PREX1: variants seen among roughly 807,000 people sequenced by gnomAD.
The protein encoded by PREX1 is phosphatidylinositol-3,4,5-trisphosphate dependent Rac exchange factor 1.
A neutral mutation model predicts 198.3 loss-of-function variants in PREX1; 41 were observed. That is an observed-to-expected ratio of 0.21 (90% CI 0.16 to 0.27). The LOEUF (loss-of-function observed/expected upper bound fraction) is 0.27, where lower values mean the gene tolerates loss of function less well. Among genes scored for constraint, PREX1 ranks in the 10% least tolerant of loss-of-function variants. The pLI, the probability that PREX1 is intolerant of heterozygous loss-of-function variation, is 1.00. For synonymous variants in PREX1, 843 were observed against 887.2 expected, an observed-to-expected ratio of 0.95 and a Z score of 0.89; for missense variants, 1,620 against 2,200.7, an observed-to-expected ratio of 0.74 and a Z score of 5.28.
At chr20:48,734,184 C>T (rs1183230424) in intron 4 of PREX1, among the ~76,000 whole-genome samples, 5 of 152,112 alleles carry the variant, frequency 3.3e-5, no homozygotes, top group Non-Finnish European at 7.3e-5. Context: ...TTAATAGAAC[C>T]CTTACTTTAG....
intron 6 of PREX1, among the ~76,000 whole-genome samples, chr20:48,707,120 C>T (rs559569143): frequency 6.6e-6 from 1 of 152,336 alleles, no homozygotes; most frequent in South Asian, 2.1e-4. Flanking sequence ...GGCGCCCGGG[C>T]CCTCTTCTAA....
At chr20:48,794,537 GC>G (rs1372660221) in intron 1 of PREX1, among the ~76,000 whole-genome samples, 2 of 152,226 alleles carry the variant, frequency 1.3e-5, no homozygotes, top group Non-Finnish European at 2.9e-5. Context: ...CTGCCCAGGA[GC>G]CCCCATCAGT....
At chr20:48,760,844 A>G (rs1601119497) in intron 1 of PREX1, among the ~76,000 whole-genome samples, 1 of 152,280 alleles carries the variant, frequency 6.6e-6, no homozygotes, top group South Asian at 2.1e-4. Flanking sequence ...TCGCCTGTGT[A>G]GTCAGCAAAT....
chr20:48,827,789 G>A lies in PREX1; in HGVS notation c.72C>T (p.Ala24=), dbSNP rs1188418040. 280 of 1,117,828 alleles carry A rather than the reference G, an allele frequency of 2.5e-4. No individual in the cohort carries two copies. The highest frequency in any genetic ancestry group is 3.0e-4 in the Non-Finnish European group (274 of 907,924). The allele number at this position is 1,117,828 out of a possible 1,614,324, so 69.2% of individuals were successfully genotyped here. ...CGGAGCTGGGCGCCGCGGCGCCAGG[G>A]GCCCGGGGGTCCGGGTGGGCGCAGT... ...AGDCAHPDPR[A]PGAAAPSSGP... is the part of the protein sequence containing the mutation. Residue 24 remains alanine (A), a synonymous_variant, in exon 1 of 40, where the codon GCC becomes GCT. Coordinates refer to ENST00000371941, the MANE Select transcript of PREX1 (RefSeq NM_020820.4). This position sits in a 1 kb window ranked among gnomAD's most constrained non-coding sequence, Gnocchi z 4.1.
At chr20:48,777,094 TGGGAAGTGAGCTAACGTTTATGAGCAACG>T in intron 1 of PREX1, among the ~76,000 whole-genome samples, 1 of 152,050 alleles carries the variant, frequency 6.6e-6, no homozygotes, top group Non-Finnish European at 1.5e-5. Flanking sequence ...ATTTAGCAAC[TGGGAAGTGAGCTAACGTTTATGAGCAACG>T]GGGAAGTGAG....
the PREX1 span, among the ~76,000 whole-genome samples, chr20:48,837,174 A>G: frequency 6.6e-6 from 1 of 152,194 alleles, no homozygotes; most frequent in Non-Finnish European, 1.5e-5. Flanking sequence ...AAAAAATCAC[A>G]GATGCCCTGA....
intron 14 of PREX1, among the ~76,000 whole-genome samples, chr20:48,671,414 G>A (rs556342624): frequency 6.6e-5 from 10 of 152,310 alleles, no homozygotes; most frequent in East Asian, 1.9e-4. Context: ...GGGTACAGAC[G>A]GCATTGTTGA....
At chr20:48,868,812 G>T in the PREX1 span, among the ~76,000 whole-genome samples, 2 of 152,050 alleles carry the variant, frequency 1.3e-5, no homozygotes, top group African/African-American at 4.8e-5. Context: ...ATAAAAGAGA[G>T]CATAACAAAC....
chr20:48,815,345 T>C (rs564853758), intron 1 of PREX1, among the ~76,000 whole-genome samples: 2 of 152,308 alleles, frequency 1.3e-5, no homozygotes, highest in South Asian at 2.1e-4. Flanking sequence ...TCTTTTCAAA[T>C]GTACATGAAA....
At chr20:48,632,995 T>C (rs535727697) in intron 33 of PREX1, among the ~76,000 whole-genome samples, 1 of 152,314 alleles carries the variant, frequency 6.6e-6, no homozygotes, top group Admixed American at 6.5e-5. Context: ...CAGCGCTCCT[T>C]GTACCCTCAC....
At chr20:48,651,637 C>T (rs112647076) in intron 21 of PREX1, 54 bp from the exon 22 acceptor site, 70 of 1,545,842 alleles carry the variant, frequency 4.5e-5, no homozygotes, top group African/African-American at 1.9e-4. Context: ...GGGAGGAAGG[C>T]GAGGCGAGGA....
chr20:48,649,461 G>A lies in PREX1; in HGVS notation c.3144C>T (p.Gly1048=), dbSNP rs201747981. ...GGGTCCCACTGGCTGGCCCGAAGCT[G>A]CCATCATGGAGACCCTGGCCTTGGG... ...GDPQGQGLHD[G]SFGPASGTLG... is the part of the protein sequence containing the mutation. The change falls in exon 25 of 40, where the codon GGC becomes GGT. Residue 1048 remains glycine (G), a synonymous_variant. Coordinates refer to ENST00000371941, the MANE Select transcript of PREX1 (RefSeq NM_020820.4). 450 of 1,614,170 alleles carry A rather than the reference G, an allele frequency of 2.8e-4. 5 individuals carry two copies. Among genetic ancestry groups the A allele is most frequent in the Non-Finnish European group, 1.0e-5 (12 of 1,180,026 alleles).
the PREX1 span, among the ~76,000 whole-genome samples, chr20:48,846,891 C>G: frequency 9.9e-5 from 15 of 152,184 alleles, no homozygotes; most frequent in Non-Finnish European, 2.1e-4. Flanking sequence ...GCGAAGAAAA[C>G]CCAAAAGTAG....
At chr20:48,832,211 A>G (rs2090538659), upstream of PREX1, among the ~76,000 whole-genome samples, 1 of 152,098 alleles carries the variant, frequency 6.6e-6, no homozygotes. Flanking sequence ...TTCCGTTGCC[A>G]TGTACTTTGC....
intron 1 of PREX1, among the ~76,000 whole-genome samples, chr20:48,798,809 A>T (rs919820302): frequency 2.6e-5 from 4 of 152,230 alleles, no homozygotes; most frequent in African/African-American, 9.6e-5. Context: ...TTTAGAAGGA[A>T]CTGTGTATCT....
chr20:48,680,634 G>A lies in PREX1; in HGVS notation c.1435+601C>T, dbSNP rs548729494. 1.3e-4 allele frequency among the ~76,000 whole-genome samples: 20 copies of A among 151,784 alleles called. No homozygotes were observed. The South Asian group carries it at 4.2e-3, about 32-fold the overall frequency. ...GACTCTGCCTGAGGACTTTGCACTG[G>A]CTGTTCCCTCTGCCTGGAACCATCA... is the stretch of plus-strand genomic sequence containing the variant. On this transcript the variant is annotated intron_variant, in intron 11 of 39. Transcript: ENST00000371941.
chr20:48,708,880 G>C (rs2089916685), intron 5 of PREX1, among the ~76,000 whole-genome samples: 1 of 152,248 alleles, frequency 6.6e-6, no homozygotes, highest in East Asian at 1.9e-4. Flanking sequence ...AGAGAGATCC[G>C]CGGTCACAGA....
chr20:48,664,993 G>A (rs1411876850), intron 15 of PREX1, among the ~76,000 whole-genome samples: 1 of 133,592 alleles, frequency 7.5e-6, no homozygotes, highest in African/African-American at 2.8e-5. Context: ...CGCCCCAGAC[G>A]GCCTGAATTC....
chr20:48,823,045 C>A (rs1002496247), intron 1 of PREX1, among the ~76,000 whole-genome samples: 10 of 152,172 alleles, frequency 6.6e-5, no homozygotes, highest in African/African-American at 2.4e-4. Context: ...GCAAGCGGAG[C>A]TCCAATGAGA....
Sources: allele counts gnomAD v4.1 joint callset (sites outside exome capture counted in the v4.1 genomes callset), GRCh38; gene constraint gnomAD v4.1.1; non-coding constraint Gnocchi (gnomAD v3.1); transcripts MANE v1.5; gene names NCBI Gene and HGNC (gene_info 2026-07-23, HGNC 2026-07-21).